ZMAT4: variants seen among roughly 807,000 people sequenced by gnomAD.
ZMAT4 encodes the protein zinc finger matrin-type protein 4.
ZMAT4 carries 17 observed loss-of-function variants against 28.7 expected under a neutral mutation model. That is an observed-to-expected ratio of 0.59 (90% CI 0.41 to 0.89). ZMAT4 has a LOEUF of 0.89. Among genes scored for constraint, ZMAT4 ranks in the 40% least tolerant of loss-of-function variants. The pLI, the probability that ZMAT4 is intolerant of heterozygous loss-of-function variation, is 0.00. For synonymous variants in ZMAT4, 117 were observed against 109.2 expected (o/e 1.07, Z -0.44); for missense variants, 240 against 283.8 (o/e 0.85, Z 1.11).
chr8:40,771,023 A>T (rs1813367691), intron 2 of ZMAT4, among the ~76,000 whole-genome samples: 2 of 152,178 alleles, frequency 1.3e-5, no homozygotes, highest in East Asian at 1.9e-4. Context: ...TGAAACAAAG[A>T]TATCCATTGC....
chr8:40,805,402 C>G (rs1054657528), intron 2 of ZMAT4, among the ~76,000 whole-genome samples: 1 of 149,728 alleles, frequency 6.7e-6, no homozygotes, highest in African/African-American at 2.5e-5. Flanking sequence ...GGATCTAGAA[C>G]TAGAAATACC....
chr8:40,611,534 G>A (rs1346526550), intron 5 of ZMAT4, among the ~76,000 whole-genome samples: 1 of 152,158 alleles, frequency 6.6e-6, no homozygotes, highest in Non-Finnish European at 1.5e-5. Flanking sequence ...TAGAGATGGG[G>A]TTTCACTGTG....
rs117183109 is a variant in ZMAT4 at position 40,816,317 on chromosome 8, C to A, written c.102+9258G>T. On this transcript the variant is annotated intron_variant, in intron 2 of 6. Transcript: ENST00000297737. The stretch of plus-strand genomic sequence containing the variant: ...GGCAACGTCAGAAGCCTCTGCCAGC[C>A]CGAGTTCTAAATAATTTTGTGGCCC... 3.9e-3 allele frequency among the ~76,000 whole-genome samples: 599 copies of A among 152,224 alleles called. 2 individuals carry two copies. The highest frequency in any genetic ancestry group is 5.1e-3 in the Non-Finnish European group (346 of 68,020).
At chr8:40,683,750 A>AT (rs993045500) in intron 4 of ZMAT4, among the ~76,000 whole-genome samples, 178 of 152,038 alleles carry the variant, frequency 1.2e-3, no homozygotes, top group African/African-American at 4.1e-3. Flanking sequence ...AATGTTATGA[A>AT]TTTTTTTTCA....
chr8:40,882,831 G>A (rs565650687), intron 1 of ZMAT4, among the ~76,000 whole-genome samples: 6 of 152,196 alleles, frequency 3.9e-5, no homozygotes, highest in South Asian at 2.1e-4. Context: ...ACTTCGGTTC[G>A]CTATAGCTCT....
At chr8:40,602,872 C>A (rs1805447027) in intron 5 of ZMAT4, among the ~76,000 whole-genome samples, 1 of 152,262 alleles carries the variant, frequency 6.6e-6, no homozygotes, top group East Asian at 1.9e-4. Flanking sequence ...TCTGTTTACT[C>A]TGCTGATTAT....
At chr8:40,532,862 A>G (rs1802735537) in intron 6 of ZMAT4, among the ~76,000 whole-genome samples, 1 of 151,878 alleles carries the variant, frequency 6.6e-6, no homozygotes, top group Non-Finnish European at 1.5e-5. Flanking sequence ...TGGGCATGGT[A>G]GCATGCCTGT....
chr8:40,699,739 G>T lies in ZMAT4; in HGVS notation c.193-2338C>A, dbSNP rs147085374. Among the ~76,000 whole-genome samples, 214 of 152,266 alleles carry T rather than the reference G, an allele frequency of 1.4e-3. 2 individuals are homozygous for T. The highest frequency in any genetic ancestry group is 2.2e-3 in the Non-Finnish European group (152 of 68,012). The stretch of plus-strand genomic sequence containing the variant: ...TTATACCATTTTTTTAACTACTTAC[G>T]CATGACATAGGTCAAAGCGTGTAAT... On this transcript the variant is annotated intron_variant, in intron 3 of 6. Coordinates refer to ENST00000297737, the MANE Select transcript of ZMAT4 (RefSeq NM_024645.3).
intron 1 of ZMAT4, among the ~76,000 whole-genome samples, chr8:40,895,693 C>T (rs1818844015): frequency 1.3e-5 from 2 of 152,080 alleles, no homozygotes; most frequent in Non-Finnish European, 2.9e-5. Flanking sequence ...AAATGCCTTA[C>T]TTTTAATGTT....
chr8:40,840,945 T>C (rs1816678351), intron 1 of ZMAT4, among the ~76,000 whole-genome samples: 1 of 152,168 alleles, frequency 6.6e-6, no homozygotes, highest in African/African-American at 2.4e-5. Context: ...CACACAGCCA[T>C]TCCTAATGAG....
At chr8:40,881,912 C>T (rs1818294190) in intron 1 of ZMAT4, among the ~76,000 whole-genome samples, 1 of 152,162 alleles carries the variant, frequency 6.6e-6, no homozygotes, top group Non-Finnish European at 1.5e-5. Flanking sequence ...GGACACATGC[C>T]ACCACCTCCC....
chr8:40,853,282 C>T (rs1431898162), intron 1 of ZMAT4, among the ~76,000 whole-genome samples: 1 of 152,086 alleles, frequency 6.6e-6, no homozygotes. Context: ...GTGGGCTGGG[C>T]GCAGTGGCTC....
At chr8:40,730,267 A>G (rs1811481251) in intron 3 of ZMAT4, among the ~76,000 whole-genome samples, 1 of 152,332 alleles carries the variant, frequency 6.6e-6, no homozygotes, top group South Asian at 2.1e-4. Context: ...ATAATGCTGA[A>G]AGATGAAAGA....
At chr8:40,623,071 A>G (rs529859895) in intron 5 of ZMAT4, among the ~76,000 whole-genome samples, 17 of 152,354 alleles carry the variant, frequency 1.1e-4, no homozygotes, top group Admixed American at 1.0e-3. Flanking sequence ...CACCAAGACA[A>G]GAAAAAGTAT....
At chr8:40,768,857 CT>C (rs1423225785) in intron 2 of ZMAT4, among the ~76,000 whole-genome samples, 6 of 152,126 alleles carry the variant, frequency 3.9e-5, no homozygotes. Flanking sequence ...CTTTTCCAGG[CT>C]TTTGTTCCAC....
At chr8:40,553,751 T>C (rs1399755619) in intron 6 of ZMAT4, among the ~76,000 whole-genome samples, 1 of 152,188 alleles carries the variant, frequency 6.6e-6, no homozygotes, top group Non-Finnish European at 1.5e-5. Context: ...TTCCTGAATT[T>C]CAAACCAACA....
chr8:40,591,927 T>G (rs1804906868), intron 5 of ZMAT4, among the ~76,000 whole-genome samples: 1 of 152,190 alleles, frequency 6.6e-6, no homozygotes, highest in African/African-American at 2.4e-5. Context: ...AAAATATTTA[T>G]TTCCTATTTC....
Position 40,825,797 on chromosome 8 carries a change from G to A in ZMAT4, c.-4-117C>T, listed in dbSNP as rs7012780. The stretch of plus-strand genomic sequence containing the variant: ...CAGGTCTGACAATGGTGACAGAGGG[G>A]TGGATCTCCCTACACTCTTGACGTT... On this transcript the variant is annotated intron_variant, in intron 1 of 6. Transcript: ENST00000297737. 1,941 of 724,974 alleles carry A rather than the reference G, an allele frequency of 2.7e-3. 30 individuals are homozygous for A. The African/African-American group carries it at 0.028, about 11-fold the overall frequency. 44.9% of individuals were successfully genotyped at this position (724,974 alleles called of 1,614,324 possible). A position where few individuals can be genotyped will look rare whatever the true frequency, so the allele number is the denominator to read the frequency against.
chr8:40,557,498 C>G (rs1368345359), intron 6 of ZMAT4, among the ~76,000 whole-genome samples: 5 of 152,120 alleles, frequency 3.3e-5, no homozygotes, highest in Non-Finnish European at 7.4e-5. Flanking sequence ...ATAAATCAGC[C>G]TTTACTTATG....
Sources: gnomAD v4.1 joint callset for allele counts (sites outside exome capture counted in the v4.1 genomes callset) on GRCh38, gnomAD v4.1.1 for gene constraint, MANE v1.5 for transcripts, NCBI Gene and HGNC (gene_info 2026-07-23, HGNC 2026-07-21) for gene names.